The following CHIT1 variants were observed in gnomAD, a reference collection of about 807,000 sequenced individuals.
CHIT1 encodes chitinase 1.
A neutral mutation model predicts 52.0 loss-of-function variants in CHIT1; 47 were observed. The ratio of observed to expected loss-of-function variants is 0.90; its 90% CI spans 0.71 to 1.15. The LOEUF (loss-of-function observed/expected upper bound fraction) is 1.15, where lower values mean the gene tolerates loss of function less well. Ranked by LOEUF, CHIT1 falls within the 50% of genes most tolerant of loss-of-function variation. The pLI is 0.00. For synonymous variants in CHIT1, 242 were observed against 228.2 expected, an observed-to-expected ratio of 1.06 and a Z score of -0.54; for missense variants, 569 against 583.0, an observed-to-expected ratio of 0.98 and a Z score of 0.25.
At chr1:203,222,610 A>G (rs1410496997) in intron 6 of CHIT1, among the ~76,000 whole-genome samples, 1 of 152,112 alleles carries the variant, frequency 6.6e-6, no homozygotes, top group Non-Finnish European at 1.5e-5. Flanking sequence ...CTCCTGCTAC[A>G]TTGCTATTCT....
rs1338285994 is a variant in CHIT1 at position 203,225,767 on chromosome 1, G to A, written c.159C>T (p.His53=). ...PKDLDPSLCT[H]LIYAFAGMTN... ...TCATGCCAGCGAAGGCGTAGATGAG[G>A]TGGGTGCAAAGGCTGGGGTCCAAGT... The change falls in exon 3 of 11, where the codon CAC becomes CAT. Residue 53 remains histidine (H), a synonymous_variant. Coordinates refer to ENST00000367229, the MANE Select transcript of CHIT1 (RefSeq NM_003465.3). The A allele has an allele frequency of 6.2e-7, 1 of 1,614,092 alleles. No homozygotes were observed. Among genetic ancestry groups the A allele is most frequent in the Non-Finnish European group, 8.5e-7 (1 of 1,180,040 alleles).
At chr1:203,222,364 T>C in intron 6 of CHIT1, 39 bp from the exon 7 acceptor site, 1 of 1,613,890 alleles carries the variant, frequency 6.2e-7, no homozygotes, top group African/African-American at 1.3e-5. Flanking sequence ...AAACAAGGGA[T>C]TGGGGGTGGG....
chr1:203,223,583 C>A lies in CHIT1; in HGVS notation c.392G>T (p.Ser131Ile), dbSNP rs866142169. ...CCAGTCAAGGTCAAGGCCGTCAAAG[C>A]TGTATTTGCGCAGAAACCTGATGGC... ...NSAIRFLRKY[S>I]FDGLDLDWEY... The change falls in exon 5 of 11, where the codon AGC becomes ATC. Residue 131 changes from serine (S) to isoleucine (I), a missense_variant. By Grantham distance (142) the Ser-to-Ile change is moderately radical. Transcript: ENST00000367229. 6.2e-7 allele frequency: 1 copy of A among 1,614,224 alleles called. No homozygotes were observed. The highest frequency in any genetic ancestry group is 8.5e-7 in the Non-Finnish European group (1 of 1,180,040).
In CHIT1 at chr1:203,216,500, T is replaced by C; in HGVS notation, c.*389A>G. ...ACTTGGGGCCGCGCTCTGGCTGCCA[T>C]CACCTGTGTACTGGAAACTGCCCAC... is the stretch of plus-strand genomic sequence containing the variant. On this transcript the variant is annotated 3_prime_UTR_variant, in exon 11 of 11. Coordinates refer to ENST00000367229, the MANE Select transcript of CHIT1 (RefSeq NM_003465.3). 2.2e-6 allele frequency: 1 copy of C among 459,504 alleles called. No homozygotes were observed. The highest frequency in any genetic ancestry group is 4.3e-6 in the Non-Finnish European group (1 of 230,644). 28.5% of individuals were successfully genotyped at this position (459,504 alleles called of 1,614,324 possible).
At chr1:203,218,165 G>T in intron 9 of CHIT1, 1 of 1,341,692 alleles carries the variant, frequency 7.5e-7, no homozygotes, top group Non-Finnish European at 9.9e-7. Flanking sequence ...ACCCTTCACC[G>T]CTTGGTCATG....
At chr1:203,222,406 G>C in intron 6 of CHIT1, 81 bp from the exon 7 acceptor site, 1 of 1,602,252 alleles carries the variant, frequency 6.2e-7, no homozygotes, top group Non-Finnish European at 8.5e-7. Context: ...TACCCCCTCA[G>C]TGCATGGCCT....
At chr1:203,228,215 T>C (rs568746278) in intron 2 of CHIT1, among the ~76,000 whole-genome samples, 2 of 152,140 alleles carry the variant, frequency 1.3e-5, no homozygotes, top group African/African-American at 4.8e-5. Flanking sequence ...GGCAGTACTG[T>C]ACTGTAAAAC....
intron 2 of CHIT1, among the ~76,000 whole-genome samples, chr1:203,226,932 A>G (rs1322922460): frequency 6.6e-6 from 1 of 152,100 alleles, no homozygotes; most frequent in Non-Finnish European, 1.5e-5. Context: ...CTCTCAATCT[A>G]TGATGGTGTG....
chr1:203,222,168 G>GA (rs1429571020), intron 7 of CHIT1, 34 bp downstream of exon 7: 3 of 1,612,728 alleles, frequency 1.9e-6, no homozygotes, highest in Non-Finnish European at 2.5e-6. Flanking sequence ...TGCTGGACAG[G>GA]GGAGTCCTGC....
chr1:203,229,148 T>C (rs891674393), intron 1 of CHIT1, among the ~76,000 whole-genome samples: 1 of 152,124 alleles, frequency 6.6e-6, no homozygotes, highest in South Asian at 2.1e-4. Context: ...TAATAGAACC[T>C]CCATGAAAAT....
In CHIT1 at chr1:203,217,864, A is replaced by T. The variant is rs1241458638; in HGVS notation, c.1031T>A (p.Val344Asp). 14 of 1,611,970 alleles carry T rather than the reference A, an allele frequency of 8.7e-6. No homozygotes were observed. Among genetic ancestry groups the T allele is most frequent in the African/African-American group, 1.3e-5 (1 of 74,886 alleles). ...CAGTCCCTTCTGCTTCAGATAGCTG[A>T]CCTGTGCAGGGAGGGGATGCAGTGG... is the stretch of plus-strand genomic sequence containing the variant. ...FDDVESFKTK[V>D]SYLKQKGLGG... Residue 344 changes from valine to aspartate, a missense_variant and splice_region_variant, in exon 10 of 11, where the codon GTC (valine) becomes GAC (aspartate). Val to Asp is a radical substitution (Grantham distance 152). Transcript: ENST00000367229.
At chr1:203,223,769 G>T in intron 4 of CHIT1, 109 bp from the exon 5 acceptor site, 1 of 1,130,856 alleles carries the variant, frequency 8.8e-7, no homozygotes, top group South Asian at 1.2e-5. Flanking sequence ...CTGTGTCTGG[G>T]CTAGGAGGGG....
chr1:203,217,822 C>CATGGCCCCGCCCAGTCCCT lies in CHIT1; in HGVS notation c.1072_1073insAGGGACTGGGCGGGGCCAT (p.Trp358Ter). The CATGGCCCCGCCCAGTCCCT allele has an allele frequency of 6.2e-7, 1 of 1,612,414 alleles. No individual in the cohort carries two copies. The highest frequency in any genetic ancestry group is 8.5e-7 in the Non-Finnish European group (1 of 1,179,260). The stretch of plus-strand genomic sequence containing the variant: ...GGCAAAGTCATCTAAGTCCAGTGCC[C>CATGGCCCCGCCCAGTCCCT]AGACCATGGCCCCGCCCAGTCCCTT... On this transcript the variant is annotated stop_gained and frameshift_variant, in exon 10 of 11. Transcript: ENST00000367229. LOFTEE classifies it high-confidence loss of function.
intron 4 of CHIT1, among the ~76,000 whole-genome samples, chr1:203,224,767 C>T (rs1039654483): frequency 9.2e-5 from 14 of 152,274 alleles, no homozygotes; most frequent in South Asian, 4.1e-4. Context: ...TCATGGAAGA[C>T]GAGACTGAGG....
chr1:203,217,168 C>G (rs1295420465), intron 10 of CHIT1, 35 bp from the exon 11 acceptor site: 4 of 1,599,276 alleles, frequency 2.5e-6, no homozygotes, highest in African/African-American at 1.3e-5. Context: ...CAAGGCTCCC[C>G]CGAAGAGATC....
At chr1:203,219,396 C>T in intron 8 of CHIT1, 67 bp from the exon 9 acceptor site, 1 of 992,174 alleles carries the variant, frequency 1.0e-6, no homozygotes, top group Non-Finnish European at 1.6e-6. Context: ...CCCTTCCTCA[C>T]CAGGAGGAGA....
intron 2 of CHIT1, 85 bp downstream of exon 2, chr1:203,228,448 G>C (rs929480966): frequency 2.1e-6 from 3 of 1,395,690 alleles, no homozygotes; most frequent in Non-Finnish European, 3.0e-6. Context: ...TGGAGCTCTT[G>C]GGGAGGTCTG....
In CHIT1 at chr1:203,229,643, G is replaced by A; in HGVS notation, c.-7C>T. ...AGGCCACAGACCGCACCATGATGCAGCTCAGCGGCAGGCTGCAGCCCATAC... is the reference window on the plus strand; with the variant it reads ...AGGCCACAGACCGCACCATGATGCAACTCAGCGGCAGGCTGCAGCCCATAC... On this transcript the variant is annotated 5_prime_UTR_variant, in exon 1 of 11. Coordinates refer to ENST00000367229, the MANE Select transcript of CHIT1 (RefSeq NM_003465.3). The A allele has an allele frequency of 6.2e-7, 1 of 1,614,030 alleles. No homozygotes were observed. Among genetic ancestry groups the A allele is most frequent in the Non-Finnish European group, 8.5e-7 (1 of 1,179,978 alleles).
In CHIT1 at chr1:203,225,787, C is replaced by A; in HGVS notation, c.139G>T (p.Asp47Tyr). 6.2e-7 allele frequency: 1 copy of A among 1,614,028 alleles called. No homozygotes were observed. Among genetic ancestry groups the A allele is most frequent in the South Asian group, 1.1e-5 (1 of 91,074 alleles). The change falls in exon 3 of 11, where the codon GAC becomes TAC. Residue 47 changes from aspartate (D) to tyrosine (Y), a missense_variant. By Grantham distance (160) the Asp-to-Tyr change is radical. Transcript: ENST00000367229. ...GEARFLPKDL[D>Y]PSLCTHLIYA... ...ATGAGGTGGGTGCAAAGGCTGGGGT[C>A]CAAGTCCTTGGGCAGGAAGCGAGCC...
Sources: allele counts gnomAD v4.1 joint callset (sites outside exome capture counted in the v4.1 genomes callset), GRCh38; gene constraint gnomAD v4.1.1; transcripts MANE v1.5; gene names NCBI Gene and HGNC (gene_info 2026-07-23, HGNC 2026-07-21).